The following DPP10 variants were observed in gnomAD, a reference collection of about 807,000 sequenced individuals.
The protein encoded by DPP10 is dipeptidyl peptidase like 10, also known as inactive dipeptidyl peptidase 10.
DPP10 carries 33 observed loss-of-function variants against 120.9 expected under a neutral mutation model. That is an observed-to-expected ratio of 0.27 (90% CI 0.21 to 0.37). The LOEUF is 0.37. Among genes scored for constraint, DPP10 ranks in the 10% least tolerant of loss-of-function variants. The pLI is 1.00. For missense variants in DPP10, 816 were observed against 942.8 expected (o/e 0.87, Z 1.76); for synonymous variants, 337 against 326.1 (o/e 1.03, Z -0.36).
intron 1 of DPP10, among the ~76,000 whole-genome samples, chr2:114,893,936 C>T (rs1386346650): frequency 6.6e-6 from 1 of 152,130 alleles, no homozygotes; most frequent in African/African-American, 2.4e-5. Flanking sequence ...AATTAGACTT[C>T]CTGCCACCTA....
chr2:115,299,570 G>C (rs1255655125), intron 1 of DPP10, among the ~76,000 whole-genome samples: 1 of 151,892 alleles, frequency 6.6e-6, no homozygotes, highest in Non-Finnish European at 1.5e-5. Context: ...GGAAAATAGA[G>C]ATTAAAATAT....
intron 1 of DPP10, among the ~76,000 whole-genome samples, chr2:114,827,825 C>A (rs1460449406): frequency 6.6e-6 from 1 of 152,172 alleles, no homozygotes; most frequent in East Asian, 1.9e-4. Flanking sequence ...CCTTGTGAGC[C>A]TTTCTGCCTT....
intron 1 of DPP10, among the ~76,000 whole-genome samples, chr2:115,187,019 CTTTTTTTTTTTTTTTTTTTT>C (rs147014349): frequency 9.0e-4 from 57 of 63,180 alleles, no homozygotes; most frequent in African/African-American, 1.6e-3. Flanking sequence ...TGCAAAGATT[CTTTTTTTTTTTTTTTTTTTT>C]TTTTTTTTTT....
At chr2:114,925,934 A>G (rs1380665919) in intron 1 of DPP10, among the ~76,000 whole-genome samples, 1 of 152,204 alleles carries the variant, frequency 6.6e-6, no homozygotes, top group East Asian at 1.9e-4. Context: ...TGTCTAGTAC[A>G]TACTAAGCAC....
At chr2:115,066,170 C>T (rs1706817681) in intron 1 of DPP10, among the ~76,000 whole-genome samples, 1 of 152,114 alleles carries the variant, frequency 6.6e-6, no homozygotes, top group South Asian at 2.1e-4. Flanking sequence ...AAAGACATTA[C>T]AAATAAGGAT....
intron 19 of DPP10, among the ~76,000 whole-genome samples, chr2:115,813,184 T>A (rs1044645008): frequency 1.4e-5 from 2 of 146,630 alleles, no homozygotes; most frequent in Non-Finnish European, 2.9e-5. Flanking sequence ...GGTTTCACCT[T>A]GTTAGCCAGG....
At chr2:115,401,382 C>T (rs1327743606) in intron 3 of DPP10, among the ~76,000 whole-genome samples, 2 of 152,110 alleles carry the variant, frequency 1.3e-5, no homozygotes, top group East Asian at 1.9e-4. Flanking sequence ...GAGTTTGAGA[C>T]CAGCCTGGGT....
chr2:114,791,313 T>C (rs1318371916), intron 1 of DPP10, among the ~76,000 whole-genome samples: 1 of 152,182 alleles, frequency 6.6e-6, no homozygotes, highest in Admixed American at 6.6e-5. Context: ...TTCATCTGCT[T>C]TGCCCACTGA....
chr2:114,473,678 T>G (rs1424001005), intron 1 of DPP10, among the ~76,000 whole-genome samples: 1 of 152,174 alleles, frequency 6.6e-6, no homozygotes, highest in Non-Finnish European at 1.5e-5. Flanking sequence ...CTCATGAAGT[T>G]ACATAAGGTA....
In DPP10 at chr2:115,444,003, T is replaced by G. The variant is rs758467652; in HGVS notation, c.272-55507T>G. On this transcript the variant is annotated intron_variant, in intron 3 of 25. Coordinates refer to ENST00000410059, the MANE Select transcript of DPP10 (RefSeq NM_020868.6). ...CAAATATCTCCAGAAGGCAAATTCT[T>G]ATTAGCAGTTCCCTGCTTCCCCTCC... Among the ~76,000 whole-genome samples the G allele has an allele frequency of 2.6e-5, 4 of 152,130 alleles. No individual in the cohort carries two copies. In the South Asian group the frequency reaches 8.3e-4, roughly 32 times the overall value.
chr2:115,511,728 C>CTTTTTT (rs1249835764), intron 4 of DPP10, among the ~76,000 whole-genome samples: 2 of 71,194 alleles, frequency 2.8e-5, no homozygotes, highest in Admixed American at 1.7e-4. Flanking sequence ...TCTTCTTCTT[C>CTTTTTT]TTCTTTTTTT....
chr2:114,829,335 G>C (rs1481170421), intron 1 of DPP10, among the ~76,000 whole-genome samples: 1 of 150,088 alleles, frequency 6.7e-6, no homozygotes, highest in East Asian at 2.0e-4. Flanking sequence ...TTACTGATGA[G>C]TATAGCTATT....
chr2:115,396,890 G>A (rs1434463072), intron 3 of DPP10, among the ~76,000 whole-genome samples: 2 of 152,072 alleles, frequency 1.3e-5, no homozygotes, highest in African/African-American at 4.8e-5. Context: ...AACTTGCAAT[G>A]TGAAAAATCT....
chr2:115,222,875 C>G (rs940842019), intron 1 of DPP10, among the ~76,000 whole-genome samples: 5 of 151,342 alleles, frequency 3.3e-5, no homozygotes, highest in African/African-American at 1.2e-4. Flanking sequence ...ACTTTTTTTT[C>G]TAAAGAGCAT....
At chr2:114,692,009 T>C (rs1217246559) in intron 1 of DPP10, among the ~76,000 whole-genome samples, 1 of 152,074 alleles carries the variant, frequency 6.6e-6, no homozygotes, top group Admixed American at 6.6e-5. Flanking sequence ...GGTCTATCTA[T>C]TTTGTTAATT....
chr2:115,493,202 T>C (rs2100179), intron 3 of DPP10, among the ~76,000 whole-genome samples: 20,938 of 152,000 alleles, frequency 0.14, 3,172 homozygotes, highest in African/African-American at 0.36. Context: ...CCTAGAGCCA[T>C]AGAAAACTCT....
chr2:115,352,298 T>G (rs144253278), intron 3 of DPP10, among the ~76,000 whole-genome samples: 1 of 152,296 alleles, frequency 6.6e-6, no homozygotes, highest in African/African-American at 2.4e-5. Context: ...ATGAAAGTTA[T>G]GTTCAGAGTT....
At chr2:114,445,426 A>T (rs777715874) in intron 1 of DPP10, among the ~76,000 whole-genome samples, 1 of 152,138 alleles carries the variant, frequency 6.6e-6, no homozygotes, top group African/African-American at 2.4e-5. Flanking sequence ...TTCTTCTCTC[A>T]ACAGTTAAAC....
chr2:114,525,302 T>A (rs1310088990), intron 1 of DPP10, among the ~76,000 whole-genome samples: 6 of 152,216 alleles, frequency 3.9e-5, no homozygotes, highest in African/African-American at 1.4e-4. Flanking sequence ...TTAGGCACCT[T>A]AATGTAAAAT....
Sources: allele counts gnomAD v4.1 joint callset (sites outside exome capture counted in the v4.1 genomes callset), GRCh38; gene constraint gnomAD v4.1.1; transcripts MANE v1.5; gene names NCBI Gene and HGNC (gene_info 2026-07-23, HGNC 2026-07-21).